Variants in RPS6KC1 observed in about 807,000 individuals in gnomAD.
The protein encoded by RPS6KC1 is inactive ribosomal protein S6 kinase delta-1.
RPS6KC1 carries 54 observed loss-of-function variants against 103.8 expected under a neutral mutation model. The observed-to-expected ratio is 0.52, with a 90% CI of 0.42 to 0.65. RPS6KC1 has a LOEUF of 0.65. Ranked by LOEUF, RPS6KC1 falls within the 30% of genes least tolerant of loss-of-function variation. The pLI is 0.00. For missense variants in RPS6KC1, 1,151 were observed against 1,253.8 expected, an observed-to-expected ratio of 0.92 and a Z score of 1.24; for synonymous variants, 439 against 438.7, an observed-to-expected ratio of 1.00 and a Z score of -0.01.
At chr1:213,610,227 C>T in the RPS6KC1 span, among the ~76,000 whole-genome samples, 1 of 152,136 alleles carries the variant, frequency 6.6e-6, no homozygotes, top group African/African-American at 2.4e-5. Flanking sequence ...ATTTCATGCA[C>T]CAGCTCTTCA....
At chr1:213,380,676 T>C in the RPS6KC1 span, among the ~76,000 whole-genome samples, 3 of 152,204 alleles carry the variant, frequency 2.0e-5, no homozygotes, top group African/African-American at 7.2e-5. Context: ...ATATATAATT[T>C]GTATTTGTCA....
chr1:213,779,626 G>T, the RPS6KC1 span, among the ~76,000 whole-genome samples: 1 of 152,178 alleles, frequency 6.6e-6, no homozygotes, highest in Non-Finnish European at 1.5e-5. Flanking sequence ...TTGCATCATG[G>T]CTAGGAAGCC....
the RPS6KC1 span, among the ~76,000 whole-genome samples, chr1:213,520,895 G>A: frequency 1.3e-5 from 2 of 152,072 alleles, no homozygotes; most frequent in Non-Finnish European, 2.9e-5. Context: ...AAATGTGAGG[G>A]ACACATAGTA....
chr1:213,250,296 C>T (rs1308235413), intron 12 of RPS6KC1, among the ~76,000 whole-genome samples: 1 of 152,176 alleles, frequency 6.6e-6, no homozygotes, highest in Non-Finnish European at 1.5e-5. Context: ...GTGCCAGTCT[C>T]TGTCATTGGT....
At chr1:213,109,330 G>A (rs952937171) in intron 4 of RPS6KC1, among the ~76,000 whole-genome samples, 7 of 151,648 alleles carry the variant, frequency 4.6e-5, no homozygotes, top group Admixed American at 1.3e-4. Flanking sequence ...GTAGAGACGG[G>A]GTTTCACCAT....
At chr1:213,450,621 C>T in the RPS6KC1 span, among the ~76,000 whole-genome samples, 1 of 152,112 alleles carries the variant, frequency 6.6e-6, no homozygotes, top group Non-Finnish European at 1.5e-5. Flanking sequence ...CTCCTGGAGT[C>T]AGGAGTTAAA....
the RPS6KC1 span, among the ~76,000 whole-genome samples, chr1:213,788,769 G>A: frequency 6.6e-6 from 1 of 152,152 alleles, no homozygotes; most frequent in Non-Finnish European, 1.5e-5. Context: ...CTCAGAGCTT[G>A]GGGATGTAGG....
At chr1:213,186,731 AAT>A (rs1228589438) in intron 8 of RPS6KC1, among the ~76,000 whole-genome samples, 1 of 152,092 alleles carries the variant, frequency 6.6e-6, no homozygotes, top group African/African-American at 2.4e-5. Flanking sequence ...GATAATTTTT[AAT>A]ATCTTATAGG....
chr1:213,530,456 A>G, the RPS6KC1 span, among the ~76,000 whole-genome samples: 1 of 152,200 alleles, frequency 6.6e-6, no homozygotes, highest in Non-Finnish European at 1.5e-5. Flanking sequence ...GTCCCCAACT[A>G]TGTCACTTAA....
chr1:213,408,101 C>G, the RPS6KC1 span, among the ~76,000 whole-genome samples: 1 of 152,212 alleles, frequency 6.6e-6, no homozygotes, highest in East Asian at 1.9e-4. Context: ...TTCTTCTGTC[C>G]TTATAATGTC....
chr1:213,622,718 A>C, the RPS6KC1 span, among the ~76,000 whole-genome samples: 5 of 151,998 alleles, frequency 3.3e-5, no homozygotes, highest in East Asian at 9.7e-4. Flanking sequence ...GCTAGAAGGG[A>C]CGGGGCTGGG....
chr1:213,352,435 T>G, the RPS6KC1 span, among the ~76,000 whole-genome samples: 1 of 152,220 alleles, frequency 6.6e-6, no homozygotes, highest in East Asian at 1.9e-4. Flanking sequence ...CCTCTAAATT[T>G]TGTGTCTCGT....
At chr1:213,761,445 G>A in the RPS6KC1 span, among the ~76,000 whole-genome samples, 2 of 152,318 alleles carry the variant, frequency 1.3e-5, no homozygotes, top group East Asian at 3.9e-4. Context: ...AACTGGGGCT[G>A]TAATGGGTGG....
chr1:213,573,715 GT>G, the RPS6KC1 span, among the ~76,000 whole-genome samples: 23 of 152,240 alleles, frequency 1.5e-4, no homozygotes, highest in Admixed American at 1.4e-3. Context: ...AAGTGCTTCT[GT>G]TGCTAGACGG....
the RPS6KC1 span, among the ~76,000 whole-genome samples, chr1:213,729,179 A>G: frequency 2.6e-5 from 4 of 151,950 alleles, no homozygotes; most frequent in Non-Finnish European, 5.9e-5. Flanking sequence ...TTGACCTACT[A>G]TTTCCCTAGG....
At chr1:213,215,315 A>T (rs745591737) in intron 8 of RPS6KC1, among the ~76,000 whole-genome samples, 1 of 152,200 alleles carries the variant, frequency 6.6e-6, no homozygotes, top group South Asian at 2.1e-4. Context: ...AAGTGAGAAG[A>T]GAAGTTTAGA....
the RPS6KC1 span, among the ~76,000 whole-genome samples, chr1:213,349,034 A>G: frequency 6.6e-6 from 1 of 152,214 alleles, no homozygotes; most frequent in Non-Finnish European, 1.5e-5. Context: ...ATCAGGATTG[A>G]AGATTACTTT....
chr1:213,608,368 T>C, the RPS6KC1 span, among the ~76,000 whole-genome samples: 1 of 152,192 alleles, frequency 6.6e-6, no homozygotes, highest in Admixed American at 6.5e-5. Flanking sequence ...GCCACTCTCC[T>C]GGTGGCCCCC....
chr1:213,241,833 C>T lies in RPS6KC1; in HGVS notation c.2357C>T (p.Ser786Leu), dbSNP rs2094361411. The change falls in exon 11 of 15, where the codon TCA becomes TTA. Residue 786 changes from serine (S) to leucine (L), a missense_variant. Physicochemically the swap from Ser to Leu is moderately radical, Grantham distance 145. Transcript: ENST00000366960. ...GTAGCAGCTGTTGATCATAGTAGTT[C>T]AGGAGATATGTCTTTGTTACCCAGC... ...LFVAAVDHSS[S>L]GDMSLLPSSD... The T allele has an allele frequency of 6.2e-7, 1 of 1,613,824 alleles. No homozygotes were observed. Among genetic ancestry groups the T allele is most frequent in the East Asian group, 2.2e-5 (1 of 44,880 alleles).
Sources: gnomAD v4.1 joint callset for allele counts (sites outside exome capture counted in the v4.1 genomes callset) on GRCh38, gnomAD v4.1.1 for gene constraint, MANE v1.5 for transcripts, NCBI Gene and HGNC (gene_info 2026-07-23, HGNC 2026-07-21) for gene names.